Variants in LRRTM4 observed in about 807,000 individuals in gnomAD.
The protein encoded by LRRTM4 is leucine-rich repeat transmembrane neuronal protein 4.
In LRRTM4, 25 loss-of-function variants were observed where a neutral mutation model predicts 47.6. The ratio of observed to expected loss-of-function variants is 0.53; its 90% CI spans 0.38 to 0.73. The LOEUF (loss-of-function observed/expected upper bound fraction) is 0.73. Among genes scored for constraint, LRRTM4 ranks in the 30% least tolerant of loss-of-function variants. The probability of loss-of-function intolerance (pLI) is 0.00; values close to 1 mark genes in which losing one functional copy is unlikely to be tolerated. For missense variants in LRRTM4, 638 were observed against 713.4 expected (o/e 0.89, Z 1.20); for synonymous variants, 311 against 269.5 (o/e 1.15, Z -1.51).
chr2:77,421,615 G>A (rs894968962), intron 3 of LRRTM4, among the ~76,000 whole-genome samples: 35 of 152,108 alleles, frequency 2.3e-4, no homozygotes, highest in Non-Finnish European at 4.1e-4. Context: ...GCTGAAGCAG[G>A]AGAATGGCGT....
chr2:76,914,264 T>A (rs1418717958), intron 3 of LRRTM4, among the ~76,000 whole-genome samples: 1 of 152,152 alleles, frequency 6.6e-6, no homozygotes, highest in East Asian at 1.9e-4. Context: ...AATAATTTAA[T>A]ATATTTTATA....
intron 3 of LRRTM4, among the ~76,000 whole-genome samples, chr2:77,187,160 A>G (rs1008155294): frequency 5.9e-5 from 9 of 152,092 alleles, no homozygotes; most frequent in Non-Finnish European, 1.0e-4. Flanking sequence ...TCTGTAGCCA[A>G]TGTCTGGATG....
chr2:76,913,768 G>C (rs1265968562), intron 3 of LRRTM4, among the ~76,000 whole-genome samples: 6 of 151,722 alleles, frequency 4.0e-5, no homozygotes. Context: ...CAAATTCCTG[G>C]CCTCAAGTGA....
intron 3 of LRRTM4, among the ~76,000 whole-genome samples, chr2:77,056,322 A>C (rs1460403217): frequency 6.6e-6 from 1 of 152,162 alleles, no homozygotes; most frequent in Non-Finnish European, 1.5e-5. Flanking sequence ...TTTTATTAAA[A>C]ATTAAATTTG....
At chr2:76,951,009 A>G (rs983281536) in intron 3 of LRRTM4, among the ~76,000 whole-genome samples, 3 of 152,098 alleles carry the variant, frequency 2.0e-5, no homozygotes, top group Non-Finnish European at 2.9e-5. Context: ...AGATCTGCAT[A>G]TTAATGTTTT....
At chr2:77,164,761 C>G (rs957599105) in intron 3 of LRRTM4, among the ~76,000 whole-genome samples, 19 of 152,060 alleles carry the variant, frequency 1.2e-4, no homozygotes, top group African/African-American at 4.1e-4. Context: ...TTCTTTGAAA[C>G]CAGTGAGAAC....
rs550917279 is a variant in LRRTM4 at position 77,158,444 on chromosome 2, G to A, written c.1551+359874C>T. Among the ~76,000 whole-genome samples the A allele has an allele frequency of 2.1e-4, 32 of 152,208 alleles. No homozygotes were observed. In the South Asian group the frequency reaches 6.6e-3, roughly 32 times the overall value. On this transcript the variant is annotated intron_variant, in intron 3 of 3. Coordinates refer to ENST00000409884, the MANE Select transcript of LRRTM4 (RefSeq NM_001134745.3). ...AACACTTTATCAATATATTTGGAAT[G>A]TTGCCTGTTACATTTCAAATCCTGT...
rs2103944315 is a variant in LRRTM4 at position 77,447,684 on chromosome 2, C to G, written c.1551+70634G>C. Among the ~76,000 whole-genome samples the G allele has an allele frequency of 1.3e-5, 2 of 152,062 alleles. 1 individual carries two copies. The highest frequency in any genetic ancestry group is 4.2e-4 in the South Asian group (2 of 4,818). ...TGTTAGACTTTTTTTTGATGTTTGT[C>G]TTTTAATATGTCATTGACAAAGTTT... On this transcript the variant is annotated intron_variant, in intron 3 of 3. Transcript: ENST00000409884.
intron 3 of LRRTM4, among the ~76,000 whole-genome samples, chr2:77,436,681 T>C (rs895393997): frequency 2.0e-5 from 3 of 151,810 alleles, no homozygotes; most frequent in East Asian, 1.9e-4. Context: ...TAATGAAATA[T>C]ATTAAAATAA....
chr2:76,911,241 G>T (rs777679269), intron 3 of LRRTM4, among the ~76,000 whole-genome samples: 32 of 152,202 alleles, frequency 2.1e-4, no homozygotes, highest in Non-Finnish European at 8.8e-5. Flanking sequence ...GACGTGTTGT[G>T]AAGCCAGTAG....
chr2:76,967,145 T>A (rs1237667212), intron 3 of LRRTM4, among the ~76,000 whole-genome samples: 1 of 149,396 alleles, frequency 6.7e-6, no homozygotes, highest in Non-Finnish European at 1.5e-5. Flanking sequence ...TCAGAATAAG[T>A]GCATTCCCTT....
chr2:77,122,416 CAT>C (rs887427785), intron 3 of LRRTM4, among the ~76,000 whole-genome samples: 22 of 150,540 alleles, frequency 1.5e-4, no homozygotes, highest in African/African-American at 4.4e-4. Flanking sequence ...CAGATGTAAA[CAT>C]ATATATGTGT....
At chr2:77,228,634 GA>G (rs1674878844) in intron 3 of LRRTM4, among the ~76,000 whole-genome samples, 1 of 152,138 alleles carries the variant, frequency 6.6e-6, no homozygotes, top group Admixed American at 6.6e-5. Context: ...TCACTCCAGG[GA>G]AAAAGCTGGT....
chr2:76,853,488 G>A (rs1489865136), intron 3 of LRRTM4, among the ~76,000 whole-genome samples: 1 of 151,960 alleles, frequency 6.6e-6, no homozygotes, highest in Non-Finnish European at 1.5e-5. Flanking sequence ...TCTCGTCCTT[G>A]CCCTTTAGAT....
intron 3 of LRRTM4, among the ~76,000 whole-genome samples, chr2:77,014,722 G>A (rs1187348318): frequency 6.6e-6 from 1 of 152,060 alleles, no homozygotes; most frequent in Non-Finnish European, 1.5e-5. Flanking sequence ...TGAAGCAGGA[G>A]AATCGTTTGA....
intron 3 of LRRTM4, among the ~76,000 whole-genome samples, chr2:77,456,763 T>C (rs1406617433): frequency 6.6e-6 from 1 of 151,774 alleles, no homozygotes; most frequent in Non-Finnish European, 1.5e-5. Context: ...TGTAGCCTGA[T>C]CTTATCTTAT....
intron 3 of LRRTM4, among the ~76,000 whole-genome samples, chr2:76,863,816 AAGGCAAAGT>A (rs527892416): frequency 7.9e-5 from 12 of 152,176 alleles, no homozygotes; most frequent in Non-Finnish European, 1.8e-4. Context: ...CATGATATAG[AAGGCAAAGT>A]AATCATATCT....
intron 3 of LRRTM4, among the ~76,000 whole-genome samples, chr2:76,952,807 G>A (rs937313417): frequency 8.6e-5 from 13 of 151,806 alleles, no homozygotes; most frequent in Non-Finnish European, 2.9e-5. Flanking sequence ...CCGCCAGTGT[G>A]GGGGACTGGG....
chr2:77,151,368 A>T (rs1254285098), intron 3 of LRRTM4, among the ~76,000 whole-genome samples: 2 of 152,160 alleles, frequency 1.3e-5, no homozygotes, highest in Admixed American at 6.5e-5. Flanking sequence ...GTATTTACTA[A>T]TTCTATAAGT....
Sources: gnomAD v4.1 joint callset for allele counts (sites outside exome capture counted in the v4.1 genomes callset) on GRCh38, gnomAD v4.1.1 for gene constraint, MANE v1.5 for transcripts, NCBI Gene and HGNC (gene_info 2026-07-23, HGNC 2026-07-21) for gene names.